WWOX: variants seen among roughly 807,000 people sequenced by gnomAD.
WWOX encodes the protein WW domain-containing oxidoreductase.
A neutral mutation model predicts 46.2 loss-of-function variants in WWOX; 69 were observed. That is an observed-to-expected ratio of 1.49 (90% CI 1.23 to 1.82). The LOEUF (loss-of-function observed/expected upper bound fraction) is 1.82. Among genes scored for constraint, WWOX ranks in the 40% most tolerant of loss-of-function variants. WWOX has a pLI of 0.00. For synonymous variants in WWOX, 359 were observed against 202.6 expected (o/e 1.77, Z -6.56); for missense variants, 919 against 542.6 (o/e 1.69, Z -6.89).
intron 8 of WWOX, among the ~76,000 whole-genome samples, chr16:78,779,317 A>G (rs1472147163): frequency 6.6e-6 from 1 of 151,908 alleles, no homozygotes; most frequent in African/African-American, 2.4e-5. Context: ...GCTAACTTTT[A>G]TTTATTTTTA....
At chr16:78,992,032 T>C (rs751317138) in intron 8 of WWOX, among the ~76,000 whole-genome samples, 3 of 152,214 alleles carry the variant, frequency 2.0e-5, no homozygotes, top group South Asian at 4.1e-4. Context: ...CTCCCCACTT[T>C]CAGGCTCTCC....
chr16:78,294,712 C>T (rs1231712258), intron 5 of WWOX, among the ~76,000 whole-genome samples: 5 of 118,512 alleles, frequency 4.2e-5, no homozygotes, highest in Admixed American at 8.4e-5. Flanking sequence ...ATGTTCCCAG[C>T]AGGAAGGAAG....
At chr16:78,426,850 G>T (rs551101761) in intron 7 of WWOX, among the ~76,000 whole-genome samples, 22 of 152,232 alleles carry the variant, frequency 1.4e-4, no homozygotes, top group Non-Finnish European at 2.8e-4. Context: ...TTTTAGTAGA[G>T]ACGGGGTTTC....
intron 8 of WWOX, among the ~76,000 whole-genome samples, chr16:79,207,113 G>A (rs1442060943): frequency 3.3e-5 from 5 of 152,078 alleles, no homozygotes; most frequent in African/African-American, 1.2e-4. Context: ...GCGTGTAGAC[G>A]GCCATCTATT....
chr16:78,110,680 G>C (rs74893173), intron 3 of WWOX, among the ~76,000 whole-genome samples: 3,121 of 152,256 alleles, frequency 0.02, 107 homozygotes, highest in African/African-American at 0.071. Flanking sequence ...CATATAGCAT[G>C]AGCCAGGCCT....
At chr16:79,063,590 C>G (rs2048391715) in intron 8 of WWOX, among the ~76,000 whole-genome samples, 1 of 152,196 alleles carries the variant, frequency 6.6e-6, no homozygotes, top group Admixed American at 6.5e-5. Context: ...GATTTGGAAA[C>G]AAGGTTGGGT....
In WWOX at chr16:78,988,880, G is replaced by T. The variant is rs74032474; in HGVS notation, c.1057-222728G>T. 4.5e-3 allele frequency among the ~76,000 whole-genome samples: 682 copies of T among 152,258 alleles called. 9 individuals carry two copies. Among genetic ancestry groups the T allele is most frequent in the African/African-American group, 0.015 (641 of 41,538 alleles). ...AGCCCCAATCGATCAGTGGAGAAAC[G>T]AGCTCTGGTGGGCAGTCAGGCAAAG... On this transcript the variant is annotated intron_variant, in intron 8 of 8. Coordinates refer to ENST00000566780, the MANE Select transcript of WWOX (RefSeq NM_016373.4).
chr16:78,392,534 C>G (rs912694521), intron 6 of WWOX, among the ~76,000 whole-genome samples: 6 of 152,124 alleles, frequency 3.9e-5, no homozygotes, highest in African/African-American at 1.4e-4. Context: ...TCCTTTGAGT[C>G]TATGGAAAAA....
intron 8 of WWOX, among the ~76,000 whole-genome samples, chr16:79,037,982 A>G (rs979339920): frequency 1.3e-5 from 2 of 152,046 alleles, no homozygotes; most frequent in African/African-American, 4.8e-5. Flanking sequence ...ATAACCAGAA[A>G]AAGCTCGTTA....
chr16:78,695,393 C>T (rs1370829270), intron 8 of WWOX, among the ~76,000 whole-genome samples: 3 of 152,170 alleles, frequency 2.0e-5, no homozygotes, highest in Non-Finnish European at 2.9e-5. Context: ...TTTTGCTCCT[C>T]TTGCCCTATT....
chr16:78,236,372 G>C (rs925340728), intron 5 of WWOX, among the ~76,000 whole-genome samples: 1 of 152,126 alleles, frequency 6.6e-6, no homozygotes, highest in Non-Finnish European at 1.5e-5. Flanking sequence ...CTGAAGAATA[G>C]GTGTTTTTGT....
intron 8 of WWOX, among the ~76,000 whole-genome samples, chr16:78,662,589 C>T (rs72794736): frequency 0.03 from 4,556 of 152,226 alleles, 91 homozygotes; most frequent in Non-Finnish European, 0.046. Flanking sequence ...GAGCACCAGG[C>T]AGTCGTGGGC....
At chr16:78,195,569 C>G (rs2036022099) in intron 5 of WWOX, among the ~76,000 whole-genome samples, 1 of 152,030 alleles carries the variant, frequency 6.6e-6, no homozygotes, top group Non-Finnish European at 1.5e-5. Flanking sequence ...CACCTGTAAT[C>G]TCAGCACTTT....
At chr16:79,145,489 A>G (rs549803356) in intron 8 of WWOX, among the ~76,000 whole-genome samples, 1 of 152,322 alleles carries the variant, frequency 6.6e-6, no homozygotes, top group Admixed American at 6.5e-5. Flanking sequence ...GTTATGAGCC[A>G]CCGCATCCAG....
intron 4 of WWOX, among the ~76,000 whole-genome samples, chr16:78,124,896 G>A (rs2033293974): frequency 6.6e-6 from 1 of 152,090 alleles, no homozygotes; most frequent in African/African-American, 2.4e-5. Flanking sequence ...ATGGGGGCGG[G>A]GAGGAAACCT....
intron 8 of WWOX, among the ~76,000 whole-genome samples, chr16:78,957,493 ACACCAGAACAGGTGTTCTGTGGG>A (rs1346501655): frequency 6.6e-6 from 1 of 152,190 alleles, no homozygotes; most frequent in Non-Finnish European, 1.5e-5. Flanking sequence ...TGGGGCTGAG[ACACCAGAACAGGTGTTCTGTGGG>A]AACTGAGAAT....
At chr16:78,869,289 A>G (rs1233338201) in intron 8 of WWOX, among the ~76,000 whole-genome samples, 4 of 152,146 alleles carry the variant, frequency 2.6e-5, no homozygotes, top group Non-Finnish European at 4.4e-5. Flanking sequence ...TTAGAAGGGG[A>G]TCAAGGAAAG....
At chr16:78,163,308 C>G (rs1309027235) in intron 4 of WWOX, among the ~76,000 whole-genome samples, 2 of 152,164 alleles carry the variant, frequency 1.3e-5, no homozygotes, top group Non-Finnish European at 2.9e-5. Context: ...TTGAAATGGC[C>G]TGAAGCTGAG....
At chr16:78,252,707 C>G (rs1448042537) in intron 5 of WWOX, among the ~76,000 whole-genome samples, 1 of 152,160 alleles carries the variant, frequency 6.6e-6, no homozygotes, top group Non-Finnish European at 1.5e-5. Flanking sequence ...GTTTTAGCCA[C>G]TGAATATACC....
Sources: gnomAD v4.1 joint callset for allele counts (sites outside exome capture counted in the v4.1 genomes callset) on GRCh38, gnomAD v4.1.1 for gene constraint, MANE v1.5 for transcripts, NCBI Gene and HGNC (gene_info 2026-07-23, HGNC 2026-07-21) for gene names.